The following SUSD1 variants were observed in gnomAD, a reference collection of about 807,000 sequenced individuals.
The protein encoded by SUSD1 is sushi domain containing 1.
A neutral mutation model predicts 86.9 loss-of-function variants in SUSD1; 65 were observed. The observed-to-expected ratio is 0.75, with a 90% CI of 0.61 to 0.92. The LOEUF is 0.92. Among genes scored for constraint, SUSD1 ranks in the 40% least tolerant of loss-of-function variants. SUSD1 has a pLI of 0.00. For synonymous variants in SUSD1, 346 were observed against 350.0 expected (o/e 0.99, Z 0.13); for missense variants, 850 against 929.7 (o/e 0.91, Z 1.11).
intron 2 of SUSD1, among the ~76,000 whole-genome samples, chr9:112,157,240 T>C (rs1833366555): frequency 6.6e-6 from 1 of 152,212 alleles, no homozygotes; most frequent in Non-Finnish European, 1.5e-5. Flanking sequence ...GAAACAGATG[T>C]CAAATTTGTG....
intron 16 of SUSD1, among the ~76,000 whole-genome samples, 173 bp from the exon 17 acceptor site, chr9:112,041,665 T>C (rs946801525): frequency 6.6e-6 from 1 of 152,180 alleles, no homozygotes; most frequent in African/African-American, 2.4e-5. Flanking sequence ...CTGGTCCTGC[T>C]CTTTTCCTGG....
chr9:112,162,714 C>T (rs2131837670), intron 1 of SUSD1, among the ~76,000 whole-genome samples: 1 of 152,292 alleles, frequency 6.6e-6, no homozygotes, highest in South Asian at 2.1e-4. Context: ...AAGTATACAG[C>T]TGTAACTTCT....
At chr9:112,119,408 AG>A (rs1376944761) in intron 6 of SUSD1, among the ~76,000 whole-genome samples, 1 of 152,138 alleles carries the variant, frequency 6.6e-6, no homozygotes, top group African/African-American at 2.4e-5. Flanking sequence ...GCTGGAGAAG[AG>A]GGTCACCAGC....
chr9:112,128,495 G>C (rs1831876149), intron 5 of SUSD1, among the ~76,000 whole-genome samples: 1 of 152,084 alleles, frequency 6.6e-6, no homozygotes, highest in Admixed American at 6.6e-5. Context: ...CTGGGTTCAA[G>C]CAATTCTCCT....
At chr9:112,134,735 C>T (rs897057457) in intron 5 of SUSD1, among the ~76,000 whole-genome samples, 1 of 151,358 alleles carries the variant, frequency 6.6e-6, no homozygotes, top group Non-Finnish European at 1.5e-5. Context: ...TGCACATGTG[C>T]CCCCTGAATC....
intron 1 of SUSD1, chr9:112,169,301 A>C (rs986608917): frequency 1.3e-5 from 2 of 151,922 alleles, no homozygotes; most frequent in East Asian, 3.9e-4. Flanking sequence ...GTCCAAAGGT[A>C]GTGAGTTATC....
intron 1 of SUSD1, among the ~76,000 whole-genome samples, chr9:112,172,943 A>G (rs549304242): frequency 6.6e-6 from 1 of 152,312 alleles, no homozygotes; most frequent in East Asian, 1.9e-4. Context: ...CTAGATAAGG[A>G]GAGGGGGCTC....
chr9:112,174,833 G>GC (rs1834198896), intron 1 of SUSD1, among the ~76,000 whole-genome samples: 1 of 151,710 alleles, frequency 6.6e-6, no homozygotes, highest in South Asian at 2.1e-4. Context: ...CTCGCGCCCA[G>GC]CCCCCACCCC....
intron 13 of SUSD1, among the ~76,000 whole-genome samples, 186 bp from the exon 14 acceptor site, chr9:112,058,872 C>A (rs918180878): frequency 1.3e-5 from 2 of 152,166 alleles, no homozygotes; most frequent in African/African-American, 4.8e-5. Flanking sequence ...CGGCTCACTG[C>A]AACCTCCATC....
intron 6 of SUSD1, among the ~76,000 whole-genome samples, chr9:112,115,112 C>T (rs2762472): frequency 0.28 from 43,308 of 152,050 alleles, 6,618 homozygotes; most frequent in East Asian, 0.36. Flanking sequence ...ACTCAGCTCC[C>T]GTTTCTCCCT....
chr9:112,172,660 C>G (rs1435489245), intron 1 of SUSD1, among the ~76,000 whole-genome samples: 4 of 152,212 alleles, frequency 2.6e-5, no homozygotes, highest in Non-Finnish European at 5.9e-5. Context: ...AGCCCCCAAG[C>G]CTTAGTGTCA....
At chr9:112,072,956 G>A (rs1032032332) in intron 12 of SUSD1, among the ~76,000 whole-genome samples, 4 of 152,236 alleles carry the variant, frequency 2.6e-5, no homozygotes, top group Non-Finnish European at 1.5e-5. Flanking sequence ...AGCCAGGGGA[G>A]ATGGGTTTCT....
intron 2 of SUSD1, among the ~76,000 whole-genome samples, chr9:112,156,199 G>C (rs1051131220): frequency 7.1e-4 from 107 of 151,408 alleles, no homozygotes; most frequent in African/African-American, 2.3e-3. Flanking sequence ...CGCAGTGGCT[G>C]ACGCTTGTAA....
At chr9:112,156,108 T>C (rs1322088703) in intron 2 of SUSD1, among the ~76,000 whole-genome samples, 2 of 151,436 alleles carry the variant, frequency 1.3e-5, no homozygotes, top group Non-Finnish European at 2.9e-5. Flanking sequence ...ATCATGCCAC[T>C]GTACTCCAGC....
intron 9 of SUSD1, among the ~76,000 whole-genome samples, chr9:112,099,169 A>C (rs1830525299): frequency 6.6e-6 from 1 of 151,990 alleles, no homozygotes; most frequent in African/African-American, 2.4e-5. Context: ...CAGCCTCCCG[A>C]GTAGTTGGAA....
intron 3 of SUSD1, among the ~76,000 whole-genome samples, chr9:112,144,136 A>C (rs1417570887): frequency 6.6e-6 from 1 of 152,016 alleles, no homozygotes; most frequent in Non-Finnish European, 1.5e-5. Flanking sequence ...GCTATTCAGG[A>C]GGCTGAGGCA....
At position 112,058,144 on chromosome 9, in the gene SUSD1, C is replaced by T. The variant is rs543432881; in HGVS notation, c.2109+284G>A. Among the ~76,000 whole-genome samples, 4 of 152,290 alleles carry T rather than the reference C, an allele frequency of 2.6e-5. No homozygotes were observed. The East Asian group carries it at 7.7e-4, about 29-fold the overall frequency. On this transcript the variant is annotated intron_variant, in intron 14 of 16. Coordinates refer to ENST00000374270, the MANE Select transcript of SUSD1 (RefSeq NM_022486.5). ...TCTAGATGTTTCTTTCCAACTTAGA[C>T]TTCAGCAGTGCAATAGAATGAGGGC...
At position 112,175,062 on chromosome 9, in the gene SUSD1, T is replaced by A. The variant is rs1418021126; in HGVS notation, c.103+71A>T. The A allele has an allele frequency of 1.5e-4, 151 of 986,200 alleles. No homozygotes were observed. In the Middle Eastern group the frequency reaches 4.1e-3, roughly 27 times the overall value. 61.1% of individuals were successfully genotyped at this position (986,200 alleles called of 1,614,324 possible). On this transcript the variant is annotated intron_variant, in intron 1 of 16. Transcript: ENST00000374270. This position sits in a 1 kb window ranked among gnomAD's most constrained non-coding sequence, Gnocchi z 4.7. ...CGGCCCAGGGGCGGGGAAGCGTCCG[T>A]GCGCCCAGAGTCCTCGAGGCCCAGC...
At chr9:112,118,810 A>G (rs1038096408) in intron 6 of SUSD1, among the ~76,000 whole-genome samples, 2 of 152,148 alleles carry the variant, frequency 1.3e-5, no homozygotes, top group African/African-American at 2.4e-5. Context: ...TCTGTTCGTT[A>G]TGTATCAGTT....
Sources: gnomAD v4.1 joint callset for allele counts (sites outside exome capture counted in the v4.1 genomes callset) on GRCh38, gnomAD v4.1.1 for gene constraint, Gnocchi (gnomAD v3.1) non-coding constraint, MANE v1.5 for transcripts, NCBI Gene and HGNC (gene_info 2026-07-23, HGNC 2026-07-21) for gene names.